The following DNAH3 variants were observed in gnomAD, a reference collection of about 807,000 sequenced individuals.
DNAH3 encodes dynein axonemal heavy chain 3, also known as axonemal beta dynein heavy chain 3.
Under a neutral mutation model 432.5 loss-of-function variants are expected in DNAH3, and 332 were observed. The ratio of observed to expected loss-of-function variants is 0.77; its 90% CI spans 0.70 to 0.84. The LOEUF (loss-of-function observed/expected upper bound fraction) is 0.84. DNAH3 is among the 40% of genes least tolerant of loss of function. The pLI is 0.00. For synonymous variants in DNAH3, 1,956 were observed against 1,900.2 expected (o/e 1.03, Z -0.76); for missense variants, 4,861 against 5,114.0 (o/e 0.95, Z 1.51).
At chr16:20,980,391 GAGAC>G (rs1319658364) in intron 49 of DNAH3, among the ~76,000 whole-genome samples, 1 of 129,512 alleles carries the variant, frequency 7.7e-6, no homozygotes, top group Non-Finnish European at 1.7e-5. Flanking sequence ...GGGAGAGAGA[GAGAC>G]AGGATTGCAC....
intron 41 of DNAH3, among the ~76,000 whole-genome samples, chr16:21,013,217 C>T (rs2087692112): frequency 6.6e-6 from 1 of 151,892 alleles, no homozygotes; most frequent in Admixed American, 6.6e-5. Flanking sequence ...TTAACAAAAG[C>T]TGTATCTTTG....
intron 6 of DNAH3, among the ~76,000 whole-genome samples, chr16:21,135,225 A>G (rs2092625871): frequency 6.6e-6 from 1 of 152,198 alleles, no homozygotes; most frequent in Non-Finnish European, 1.5e-5. Flanking sequence ...CTGATAACTC[A>G]TTAGTCACTG....
At chr16:21,067,818 C>A (rs1439303401) in intron 23 of DNAH3, among the ~76,000 whole-genome samples, 1 of 111,824 alleles carries the variant, frequency 8.9e-6, no homozygotes, top group Non-Finnish European at 1.8e-5. Flanking sequence ...TAAGGCAGGG[C>A]CAGGAAAGAG....
chr16:21,094,839 T>C (rs947414630), intron 18 of DNAH3, among the ~76,000 whole-genome samples: 1 of 152,126 alleles, frequency 6.6e-6, no homozygotes, highest in Non-Finnish European at 1.5e-5. Flanking sequence ...GCTGTTCTCA[T>C]GATAGTGAAT....
intron 41 of DNAH3, chr16:21,019,324 T>G: frequency 1.7e-5 from 6 of 346,916 alleles, no homozygotes; most frequent in East Asian, 7.2e-5. Flanking sequence ...ACCCAGCTAA[T>G]TTTGTTTGTA....
chr16:21,122,916 T>G (rs935675097), intron 9 of DNAH3, among the ~76,000 whole-genome samples: 1 of 152,074 alleles, frequency 6.6e-6, no homozygotes, highest in African/African-American at 2.4e-5. Context: ...CCTCCCAAAG[T>G]GCTGGGATTA....
chr16:20,952,477 T>C lies in DNAH3; in HGVS notation c.11144A>G (p.Asn3715Ser), dbSNP rs372537271. The stretch of plus-strand genomic sequence containing the variant: ...ATCAAAGGGCACCTCCTTGTAGTCA[T>C]TGAGAAACATCTGGATCTGCCACAT... Residue 3715 changes from asparagine (N) to serine (S), a missense_variant, in exon 56 of 62, where the codon AAT becomes AGT. Transcript: ENST00000261383. 4.0e-5 allele frequency: 65 copies of C among 1,613,560 alleles called. No homozygotes were observed. The highest frequency in any genetic ancestry group is 3.3e-4 in the Middle Eastern group (2 of 6,056).
chr16:21,159,259 T>C, intron 1 of DNAH3: 1 of 1,362,448 alleles, frequency 7.3e-7, no homozygotes. Flanking sequence ...AACTAAGTAC[T>C]CGACTCCCCT....
chr16:20,936,435 T>C (rs1341272477), intron 60 of DNAH3, among the ~76,000 whole-genome samples: 1 of 152,096 alleles, frequency 6.6e-6, no homozygotes, highest in Non-Finnish European at 1.5e-5. Context: ...GCAATACAGA[T>C]GTGAGCCACT....
At chr16:21,040,358 A>ATCTTTTTTTT (rs771791969) in intron 32 of DNAH3, among the ~76,000 whole-genome samples, 2,245 of 79,722 alleles carry the variant, frequency 0.028, 354 homozygotes, top group South Asian at 0.055. Flanking sequence ...AGCCAGACAG[A>ATCTTTTTTTT]TTTTTTTTTT....
chr16:20,935,509 T>C (rs763149146), intron 60 of DNAH3, 24 bp from the exon 61 acceptor site: 4 of 1,606,348 alleles, frequency 2.5e-6, no homozygotes, highest in East Asian at 2.2e-5. Context: ...GAAATCAAGA[T>C]TCAAAATCAA....
At chr16:20,987,918 C>T in intron 45 of DNAH3, 24 bp downstream of exon 45, 1 of 1,614,150 alleles carries the variant, frequency 6.2e-7, no homozygotes, top group Non-Finnish European at 8.5e-7. Context: ...GCCCACTATC[C>T]AGGAAGACAG....
chr16:21,014,532 T>C (rs2087768023), intron 41 of DNAH3, among the ~76,000 whole-genome samples: 1 of 152,168 alleles, frequency 6.6e-6, no homozygotes, highest in Non-Finnish European at 1.5e-5. Context: ...GCTTTCCTCC[T>C]AAGACTGGGA....
intron 41 of DNAH3, among the ~76,000 whole-genome samples, chr16:21,006,591 T>C (rs1158035966): frequency 6.6e-6 from 1 of 152,220 alleles, no homozygotes; most frequent in Non-Finnish European, 1.5e-5. Context: ...TCTAATCTAC[T>C]TTCTGTCTCT....
At chr16:21,126,733 G>A (rs1477430532) in intron 8 of DNAH3, among the ~76,000 whole-genome samples, 4 of 152,116 alleles carry the variant, frequency 2.6e-5, no homozygotes, top group East Asian at 1.9e-4. Flanking sequence ...ATTTACAGCC[G>A]CTCCCCATGG....
intron 20 of DNAH3, among the ~76,000 whole-genome samples, chr16:21,078,275 CAAAAA>C (rs1202846920): frequency 1.3e-4 from 11 of 83,868 alleles, no homozygotes; most frequent in Non-Finnish European, 9.3e-5. Context: ...AATTCCGTCT[CAAAAA>C]AAAAAAAAAA....
intron 50 of DNAH3, among the ~76,000 whole-genome samples, chr16:20,978,538 TTATAA>T: frequency 6.6e-6 from 1 of 151,916 alleles, no homozygotes; most frequent in East Asian, 1.9e-4. Context: ...AAAGAAATAA[TTATAA>T]TAAAATAAAG....
intron 28 of DNAH3, among the ~76,000 whole-genome samples, chr16:21,053,107 C>T (rs747859758): frequency 5.9e-5 from 9 of 152,058 alleles, no homozygotes; most frequent in African/African-American, 1.2e-4. Flanking sequence ...CTAGTACAGC[C>T]GACTCAAAAT....
chr16:21,092,009 G>A (rs12447439), intron 18 of DNAH3, among the ~76,000 whole-genome samples: 9,815 of 152,148 alleles, frequency 0.065, 440 homozygotes, highest in Middle Eastern at 0.12. Context: ...TGGATAGGAA[G>A]ACTCAATATT....
Sources: allele counts gnomAD v4.1 joint callset (sites outside exome capture counted in the v4.1 genomes callset), GRCh38; gene constraint gnomAD v4.1.1; transcripts MANE v1.5; gene names NCBI Gene and HGNC (gene_info 2026-07-23, HGNC 2026-07-21).